PDIA3: variants seen among roughly 807,000 people sequenced by gnomAD.
PDIA3 encodes the protein protein disulfide isomerase family A member 3, also known as protein disulfide-isomerase A3.
A neutral mutation model predicts 56.9 loss-of-function variants in PDIA3; 16 were observed. The ratio of observed to expected loss-of-function variants is 0.28; its 90% CI spans 0.19 to 0.43. The LOEUF is 0.43. PDIA3 is among the 20% of genes least tolerant of loss of function. The pLI, the probability that PDIA3 is intolerant of heterozygous loss-of-function variation, is 1.00. For missense variants in PDIA3, 485 were observed against 621.3 expected, an observed-to-expected ratio of 0.78 and a Z score of 2.33; for synonymous variants, 192 against 216.5, an observed-to-expected ratio of 0.89 and a Z score of 0.99.
intron 2 of PDIA3, among the ~76,000 whole-genome samples, chr15:43,754,712 TAAA>T (rs575346705): frequency 7.2e-6 from 1 of 138,286 alleles, no homozygotes; most frequent in Non-Finnish European, 1.6e-5. Context: ...CCCTGTCTCT[TAAA>T]AAAAAAAAAA....
At chr15:43,767,137 G>T (rs2086852397) in intron 8 of PDIA3, among the ~76,000 whole-genome samples, 1 of 151,096 alleles carries the variant, frequency 6.6e-6, no homozygotes, top group Admixed American at 6.6e-5. Context: ...ATCGCCTAAG[G>T]TCGGGAGTTC....
chr15:43,763,073 A>G lies in PDIA3; in HGVS notation c.473-4A>G, dbSNP rs777302072. ...CTTCCTTGTGTTTAATATTTTCTGT[A>G]TAGGTTTTTTCGATGATTCATTCAG... On this transcript the variant is annotated splice_region_variant and splice_polypyrimidine_tract_variant and intron_variant, in intron 4 of 12. Transcript: ENST00000300289. 23 of 1,613,574 alleles carry G rather than the reference A, an allele frequency of 1.4e-5. No individual in the cohort carries two copies. Among genetic ancestry groups the G allele is most frequent in the Middle Eastern group, 1.6e-4 (1 of 6,082 alleles).
chr15:43,752,247 G>A (rs753115628), intron 1 of PDIA3, among the ~76,000 whole-genome samples: 6 of 152,092 alleles, frequency 3.9e-5, no homozygotes, highest in Non-Finnish European at 8.8e-5. Flanking sequence ...TCTCTGAAGC[G>A]TTAAATCCTT....
In PDIA3 at chr15:43,768,495, T is replaced by C; in HGVS notation, c.1035T>C (p.Asp345=). 1 of 1,611,884 alleles carries C rather than the reference T, an allele frequency of 6.2e-7. No homozygotes were observed. Among genetic ancestry groups the C allele is most frequent in the Non-Finnish European group, 8.5e-7 (1 of 1,178,054 alleles). ...CCTTGTTTTCCAATTGTAGGCGTGA[T>C]GGGAAGGCTCTGGAGAGGTTCCTGC... ...KFVMQEEFSR[D]GKALERFLQD... is the part of the protein sequence containing the mutation. The change falls in exon 9 of 13, where the codon GAT becomes GAC. Residue 345 remains aspartate, a synonymous_variant. Transcript: ENST00000300289.
chr15:43,767,487 G>A (rs1354567116), intron 8 of PDIA3, among the ~76,000 whole-genome samples: 2 of 151,916 alleles, frequency 1.3e-5, no homozygotes, highest in Non-Finnish European at 2.9e-5. Flanking sequence ...ATTAGAAATA[G>A]CAGATAAAGG....
At chr15:43,747,393 AAAG>A (rs903447270) in intron 1 of PDIA3, among the ~76,000 whole-genome samples, 4 of 152,218 alleles carry the variant, frequency 2.6e-5, no homozygotes, top group African/African-American at 7.2e-5. Context: ...AAATGTCAAA[AAAG>A]ACTCCAATGA....
At chr15:43,752,425 C>G (rs1203040236) in intron 1 of PDIA3, among the ~76,000 whole-genome samples, 2 of 152,202 alleles carry the variant, frequency 1.3e-5, no homozygotes, top group African/African-American at 4.8e-5. Context: ...ACCACTGAAA[C>G]TATAACATGA....
rs1305367736 is a variant in PDIA3, at chr15:43,771,541, C to T, written c.*323C>T. 2.1e-6 allele frequency: 1 copy of T among 466,646 alleles called. No individual in the cohort carries two copies. Among genetic ancestry groups the T allele is most frequent in the African/African-American group, 2.0e-5 (1 of 50,148 alleles). The allele number at this position is 466,646 out of a possible 1,614,324, so 28.9% of individuals were successfully genotyped here. A position where few individuals can be genotyped will look rare whatever the true frequency, so the allele number is the denominator to read the frequency against. On this transcript the variant is annotated 3_prime_UTR_variant, in exon 13 of 13. Coordinates refer to ENST00000300289, the MANE Select transcript of PDIA3 (RefSeq NM_005313.5). ...TGACAATAAATGAGACCCCTTTAAA[C>T]TGTCTTATTTTCCACCAGATTGAGA...
Position 43,773,128 on chromosome 15 carries a change from GT to G in PDIA3, c.*1912del. 6.2e-7 allele frequency: 1 copy of G among 1,608,230 alleles called. No homozygotes were observed. ...TCCCTTGATAACTTCAGCTGCCCCTGTTCTTTTCCTCAAACTCCAGGATGAG... is the reference window on the plus strand; with the variant it reads ...TCCCTTGATAACTTCAGCTGCCCCTGTCTTTTCCTCAAACTCCAGGATGAG... On this transcript the variant is annotated 3_prime_UTR_variant, in exon 13 of 13. Transcript: ENST00000300289.
intron 2 of PDIA3, among the ~76,000 whole-genome samples, chr15:43,754,514 G>A (rs2086764906): frequency 6.6e-6 from 1 of 151,760 alleles, no homozygotes; most frequent in East Asian, 1.9e-4. Context: ...ATGATTACTT[G>A]AGGCCAGGAG....
Position 43,746,463 on chromosome 15 carries a change from T to C in PDIA3, c.-77T>C. ...AGACGCGCGAGCGCAAGCAGCGGGTTAGTGGTCGCGCGCCCGACCTCCGCA... is the reference window on the plus strand; with the variant it reads ...AGACGCGCGAGCGCAAGCAGCGGGTCAGTGGTCGCGCGCCCGACCTCCGCA... On this transcript the variant is annotated 5_prime_UTR_variant, in exon 1 of 13. Coordinates refer to ENST00000300289, the MANE Select transcript of PDIA3 (RefSeq NM_005313.5). 7.4e-7 allele frequency: 1 copy of C among 1,346,304 alleles called. No individual in the cohort carries two copies. Among genetic ancestry groups the C allele is most frequent in the Non-Finnish European group, 9.8e-7 (1 of 1,021,866 alleles). The allele number at this position is 1,346,304 out of a possible 1,614,324, so 83.4% of individuals were successfully genotyped here.
At chr15:43,770,938 C>T (rs771662598) in intron 12 of PDIA3, among the ~76,000 whole-genome samples, 167 bp from the exon 13 acceptor site, 1 of 152,122 alleles carries the variant, frequency 6.6e-6, no homozygotes, top group Non-Finnish European at 1.5e-5. Context: ...CGTGAGCCAC[C>T]GTGCTAGGCT....
At position 43,772,949 on chromosome 15, in the gene PDIA3, TTAA is replaced by T. The variant is rs1188616057; in HGVS notation, c.*1736_*1738del. ...TTGCACAGTGCCCATACCCTAAAAA[TTAA>T]TAATGAAAACCAAACCTCAAGAACC... On this transcript the variant is annotated 3_prime_UTR_variant, in exon 13 of 13. Transcript: ENST00000300289. The T allele has an allele frequency of 4.2e-5, 26 of 626,070 alleles. No individual in the cohort carries two copies. Among genetic ancestry groups the T allele is most frequent in the Non-Finnish European group, 5.4e-6 (2 of 369,674 alleles). 38.8% of individuals were successfully genotyped at this position (626,070 alleles called of 1,614,324 possible).
chr15:43,763,557 T>A (rs536244516), intron 5 of PDIA3, among the ~76,000 whole-genome samples: 2 of 152,256 alleles, frequency 1.3e-5, no homozygotes, highest in Admixed American at 1.3e-4. Context: ...CCAGCTGAAT[T>A]GGTCATTTTT....
At chr15:43,759,136 A>G in intron 3 of PDIA3, among the ~76,000 whole-genome samples, 1 of 152,022 alleles carries the variant, frequency 6.6e-6, no homozygotes, top group East Asian at 1.9e-4. Context: ...TAAAAATACA[A>G]AAAATTAGCC....
At chr15:43,761,208 C>G (rs1442631556) in intron 3 of PDIA3, among the ~76,000 whole-genome samples, 1 of 145,670 alleles carries the variant, frequency 6.9e-6, no homozygotes, top group Non-Finnish European at 1.5e-5. Context: ...TGCCACTGCA[C>G]TCCAGCCTGG....
intron 1 of PDIA3, among the ~76,000 whole-genome samples, chr15:43,752,122 C>T (rs527240987): frequency 3.9e-4 from 60 of 152,286 alleles, no homozygotes; most frequent in South Asian, 1.7e-3. Context: ...TACACGTGCA[C>T]GCACATTTAT....
At chr15:43,748,850 C>A (rs2086724644) in intron 1 of PDIA3, among the ~76,000 whole-genome samples, 1 of 151,558 alleles carries the variant, frequency 6.6e-6, no homozygotes, top group South Asian at 2.1e-4. Context: ...CTCACTGCAA[C>A]CTCCGCCTCT....
At chr15:43,762,468 G>A (rs949405321) in intron 4 of PDIA3, among the ~76,000 whole-genome samples, 2 of 147,774 alleles carry the variant, frequency 1.4e-5, no homozygotes, top group East Asian at 2.0e-4. Flanking sequence ...CTAAGATCGC[G>A]CCATTGTACT....
Sources: allele counts gnomAD v4.1 joint callset (sites outside exome capture counted in the v4.1 genomes callset), GRCh38; gene constraint gnomAD v4.1.1; transcripts MANE v1.5; gene names NCBI Gene and HGNC (gene_info 2026-07-23, HGNC 2026-07-21).